Variants in SPAG16 observed in about 807,000 individuals in gnomAD.
SPAG16 encodes the protein sperm associated antigen 16, also known as sperm-associated antigen 16 protein.
SPAG16 carries 86 observed loss-of-function variants against 80.4 expected under a neutral mutation model. That is an observed-to-expected ratio of 1.07 (90% CI 0.90 to 1.28). SPAG16 has a LOEUF of 1.28. Among genes scored for constraint, SPAG16 ranks in the 50% most tolerant of loss-of-function variants. The probability of loss-of-function intolerance (pLI) is 0.00; values close to 1 mark genes in which losing one functional copy is unlikely to be tolerated. For missense variants in SPAG16, 870 were observed against 765.3 expected (o/e 1.14, Z -1.61); for synonymous variants, 294 against 265.9 (o/e 1.11, Z -1.03).
At chr2:214,336,629 T>A (rs1697308943) in intron 15 of SPAG16, among the ~76,000 whole-genome samples, 1 of 152,032 alleles carries the variant, frequency 6.6e-6, no homozygotes, top group Admixed American at 6.6e-5. Context: ...AAAGATGATA[T>A]AAATGTAGGA....
intron 10 of SPAG16, among the ~76,000 whole-genome samples, chr2:213,505,680 T>G (rs1183675309): frequency 6.6e-6 from 1 of 152,132 alleles, no homozygotes; most frequent in Non-Finnish European, 1.5e-5. Context: ...TTATTCTTTT[T>G]TTAATAGAGT....
At chr2:213,296,395 T>C (rs897351042) in intron 2 of SPAG16, among the ~76,000 whole-genome samples, 1 of 152,216 alleles carries the variant, frequency 6.6e-6, no homozygotes, top group African/African-American at 2.4e-5. Context: ...TAAACTGTTA[T>C]CTCTGTTCAG....
intron 15 of SPAG16, among the ~76,000 whole-genome samples, chr2:214,288,765 T>TTATTTATTTATTTATTTATG: frequency 6.7e-6 from 1 of 150,032 alleles, no homozygotes; most frequent in East Asian, 2.0e-4. Context: ...ATTTATTTAT[T>TTATTTATTTATTTATTTATG]TATTTATTTA....
intron 11 of SPAG16, among the ~76,000 whole-genome samples, chr2:213,903,170 G>A (rs1486547918): frequency 6.6e-6 from 1 of 152,120 alleles, no homozygotes; most frequent in African/African-American, 2.4e-5. Flanking sequence ...GCTGGGGTCT[G>A]GAGGACGGTG....
chr2:213,594,295 T>A (rs1415222652), intron 10 of SPAG16, among the ~76,000 whole-genome samples: 1 of 152,104 alleles, frequency 6.6e-6, no homozygotes, highest in Non-Finnish European at 1.5e-5. Context: ...TTCAAAGAAA[T>A]TTTCTTCTAA....
chr2:213,836,176 G>GC (rs34179878), intron 10 of SPAG16, among the ~76,000 whole-genome samples: 29,425 of 127,774 alleles, frequency 0.23, 3,639 homozygotes, highest in South Asian at 0.31. Flanking sequence ...TTCATTATTC[G>GC]CCCCCCCCCC....
At chr2:214,098,642 G>A (rs886687095) in intron 13 of SPAG16, among the ~76,000 whole-genome samples, 2 of 152,068 alleles carry the variant, frequency 1.3e-5, no homozygotes, top group African/African-American at 4.8e-5. Flanking sequence ...CCCAGTCTGT[G>A]CCACTTTGTT....
At chr2:213,573,382 C>G (rs1245896111) in intron 10 of SPAG16, among the ~76,000 whole-genome samples, 1 of 152,196 alleles carries the variant, frequency 6.6e-6, no homozygotes, top group Non-Finnish European at 1.5e-5. Flanking sequence ...TCTCTCTGTT[C>G]TTCAACAGGA....
intron 15 of SPAG16, among the ~76,000 whole-genome samples, chr2:214,241,837 G>A (rs1234862756): frequency 6.6e-6 from 1 of 151,846 alleles, no homozygotes; most frequent in African/African-American, 2.4e-5. Context: ...TCTTCCCTGA[G>A]TATAAGACAA....
At chr2:213,424,472 A>T (rs2069785365) in intron 9 of SPAG16, among the ~76,000 whole-genome samples, 1 of 152,218 alleles carries the variant, frequency 6.6e-6, no homozygotes, top group Admixed American at 6.5e-5. Flanking sequence ...AAGATATATT[A>T]TTAAAACACT....
At chr2:213,470,965 C>T (rs1387633199) in intron 9 of SPAG16, among the ~76,000 whole-genome samples, 1 of 152,220 alleles carries the variant, frequency 6.6e-6, no homozygotes, top group Non-Finnish European at 1.5e-5. Context: ...CCATTGGCTA[C>T]AGTTCACGAA....
chr2:214,172,562 C>T (rs1209883840), intron 15 of SPAG16, among the ~76,000 whole-genome samples: 3 of 152,046 alleles, frequency 2.0e-5, no homozygotes, highest in East Asian at 1.9e-4. Context: ...AATAAACATA[C>T]GTGTGCATGT....
intron 10 of SPAG16, among the ~76,000 whole-genome samples, chr2:213,797,483 G>A (rs992150643): frequency 6.6e-6 from 1 of 152,120 alleles, no homozygotes; most frequent in Non-Finnish European, 1.5e-5. Flanking sequence ...AAATACCATT[G>A]TGTTACAATG....
At chr2:213,337,203 A>G (rs1376951715) in intron 5 of SPAG16, among the ~76,000 whole-genome samples, 11 of 152,220 alleles carry the variant, frequency 7.2e-5, no homozygotes, top group African/African-American at 2.7e-4. Flanking sequence ...GACCCCACAA[A>G]AACCCATCCA....
At chr2:214,215,424 C>G (rs2058406237) in intron 15 of SPAG16, among the ~76,000 whole-genome samples, 1 of 152,202 alleles carries the variant, frequency 6.6e-6, no homozygotes, top group Non-Finnish European at 1.5e-5. Flanking sequence ...TTTCCCCACA[C>G]TGCTTCTTTC....
intron 15 of SPAG16, among the ~76,000 whole-genome samples, chr2:214,369,741 T>A (rs1699696356): frequency 6.6e-6 from 1 of 152,004 alleles, no homozygotes; most frequent in Non-Finnish European, 1.5e-5. Flanking sequence ...TTAGATATTT[T>A]CCCCTGCTAT....
At chr2:213,703,282 G>T (rs997236980) in intron 10 of SPAG16, among the ~76,000 whole-genome samples, 1 of 152,150 alleles carries the variant, frequency 6.6e-6, no homozygotes, top group African/African-American at 2.4e-5. Context: ...ATACAGGTTT[G>T]CTCAAAGATT....
rs866521480 is a variant in SPAG16 at position 213,984,616 on chromosome 2, G to T, written c.1401-29335G>T. Among the ~76,000 whole-genome samples the T allele has an allele frequency of 2.6e-5, 4 of 152,224 alleles. No homozygotes were observed. The South Asian group carries it at 8.3e-4, about 32-fold the overall frequency. ...CTTAGTTCAAGAATCCTCTGCTTCA[G>T]TCATGCTTTATGGGGCCACAGGTGT... On this transcript the variant is annotated intron_variant, in intron 12 of 15. Transcript: ENST00000331683.
chr2:214,064,694 G>C (rs2050450020), intron 13 of SPAG16, among the ~76,000 whole-genome samples: 1 of 151,938 alleles, frequency 6.6e-6, no homozygotes, highest in Non-Finnish European at 1.5e-5. Context: ...TGATATATTG[G>C]TTTGAATTAG....
Sources: allele counts gnomAD v4.1 joint callset (sites outside exome capture counted in the v4.1 genomes callset), GRCh38; gene constraint gnomAD v4.1.1; transcripts MANE v1.5; gene names NCBI Gene and HGNC (gene_info 2026-07-23, HGNC 2026-07-21).